SOX5: variants seen among roughly 807,000 people sequenced by gnomAD.
SOX5 encodes SRY-box transcription factor 5.
A neutral mutation model predicts 92.0 loss-of-function variants in SOX5; 9 were observed. The observed-to-expected ratio is 0.10, with a 90% CI of 0.06 to 0.17. The LOEUF (loss-of-function observed/expected upper bound fraction) is 0.17, where lower values mean the gene tolerates loss of function less well. Among genes scored for constraint, SOX5 ranks in the 10% least tolerant of loss-of-function variants. The pLI is 1.00. For synonymous variants in SOX5, 344 were observed against 336.3 expected (o/e 1.02, Z -0.25); for missense variants, 642 against 944.5 (o/e 0.68, Z 4.20).
At chr12:24,520,333 T>A (rs1950157933) in intron 1 of SOX5, among the ~76,000 whole-genome samples, 1 of 152,010 alleles carries the variant, frequency 6.6e-6, no homozygotes, top group African/African-American at 2.4e-5. Flanking sequence ...TAAAATTCGA[T>A]AAAAATTTGT....
chr12:23,750,268 G>A (rs1359103659), intron 4 of SOX5, among the ~76,000 whole-genome samples: 1 of 151,886 alleles, frequency 6.6e-6, no homozygotes, highest in Non-Finnish European at 1.5e-5. Flanking sequence ...ATTAAATAAT[G>A]TTGTCACAAT....
intron 1 of SOX5, among the ~76,000 whole-genome samples, chr12:24,447,633 G>C (rs1172706835): frequency 6.6e-6 from 1 of 152,102 alleles, no homozygotes; most frequent in Non-Finnish European, 1.5e-5. Flanking sequence ...AACATAATAT[G>C]TTAACAACAA....
At chr12:23,737,303 G>A (rs2093636506) in intron 5 of SOX5, among the ~76,000 whole-genome samples, 1 of 151,994 alleles carries the variant, frequency 6.6e-6, no homozygotes. Flanking sequence ...CACTTTCAGA[G>A]ACTGAGGTGG....
chr12:23,668,761 T>A (rs1482708005), intron 6 of SOX5, among the ~76,000 whole-genome samples: 1 of 152,136 alleles, frequency 6.6e-6, no homozygotes, highest in Non-Finnish European at 1.5e-5. Context: ...ATAATACACA[T>A]AAGAGGCTAC....
intron 6 of SOX5, among the ~76,000 whole-genome samples, chr12:23,717,546 T>C (rs1416448060): frequency 6.6e-6 from 1 of 152,154 alleles, no homozygotes; most frequent in Non-Finnish European, 1.5e-5. Context: ...TAAGAGCAGC[T>C]CAGGATCACA....
At position 23,861,916 on chromosome 12, in the gene SOX5, A is replaced by G. The variant is rs2096760846; in HGVS notation, c.271-15723T>C. Among the ~76,000 whole-genome samples, 3 of 152,204 alleles carry G rather than the reference A, an allele frequency of 2.0e-5. No individual in the cohort carries two copies. In the South Asian group the frequency reaches 6.2e-4, roughly 31 times the overall value. On this transcript the variant is annotated intron_variant, in intron 2 of 14. Transcript: ENST00000451604. ...GAACACCTACAGACCTTGAACATAG[A>G]CAGGGGGTAAACACAAAGACAGAAT...
At chr12:24,423,588 C>A (rs1190425534) in intron 1 of SOX5, among the ~76,000 whole-genome samples, 3 of 152,194 alleles carry the variant, frequency 2.0e-5, no homozygotes, top group Non-Finnish European at 4.4e-5. Flanking sequence ...ACAATATTCC[C>A]AGGAAATATA....
At chr12:23,845,672 GC>G (rs2096567248) in intron 3 of SOX5, among the ~76,000 whole-genome samples, 1 of 152,020 alleles carries the variant, frequency 6.6e-6, no homozygotes, top group Non-Finnish European at 1.5e-5. Flanking sequence ...AACAAACTAG[GC>G]TGCAGATATT....
chr12:24,167,077 A>G (rs1391005086), intron 4 of SOX5, among the ~76,000 whole-genome samples: 1 of 152,228 alleles, frequency 6.6e-6, no homozygotes, highest in African/African-American at 2.4e-5. Context: ...AGCTATCATT[A>G]ACATTATTTT....
intron 6 of SOX5, among the ~76,000 whole-genome samples, chr12:23,687,614 C>A (rs2087841357): frequency 6.6e-6 from 1 of 152,024 alleles, no homozygotes. Context: ...ATGAGTCATT[C>A]ATTCCCAGAA....
intron 2 of SOX5, among the ~76,000 whole-genome samples, chr12:24,343,950 G>A (rs1422461545): frequency 6.6e-6 from 1 of 152,128 alleles, no homozygotes; most frequent in African/African-American, 2.4e-5. Flanking sequence ...ACTTAAGAAT[G>A]TAGGGACTTG....
rs147825440 is a variant in SOX5, at chr12:24,182,534, T to C, written c.-2+30809A>G. 3.2e-3 allele frequency among the ~76,000 whole-genome samples: 490 copies of C among 151,944 alleles called. 10 individuals carry two copies. The highest frequency in any genetic ancestry group is 0.023 in the Admixed American group (353 of 15,260). On this transcript the variant is annotated intron_variant, in intron 4 of 4. Coordinates refer to the SOX5 transcript ENST00000446891. ...CAGATTAGGATTTTGTTGTTGTTGA[T>C]GGAACCAAAAAGAAAAATACATGCT...
At chr12:24,249,684 T>C (rs1417047637) in intron 3 of SOX5, among the ~76,000 whole-genome samples, 1 of 152,200 alleles carries the variant, frequency 6.6e-6, no homozygotes, top group African/African-American at 2.4e-5. Flanking sequence ...CAGGCCAACA[T>C]GCCATTGATC....
At chr12:24,424,401 T>A (rs1966391427) in intron 1 of SOX5, among the ~76,000 whole-genome samples, 1 of 152,202 alleles carries the variant, frequency 6.6e-6, no homozygotes, top group Non-Finnish European at 1.5e-5. Context: ...CAATATACCC[T>A]CATTCATCTT....
chr12:24,271,635 C>T (rs1338974836), intron 3 of SOX5, among the ~76,000 whole-genome samples: 2 of 152,158 alleles, frequency 1.3e-5, no homozygotes, highest in Non-Finnish European at 2.9e-5. Context: ...TTTCGGCCAA[C>T]TAAAATTGAT....
intron 4 of SOX5, among the ~76,000 whole-genome samples, chr12:23,977,233 G>A (rs1274253464): frequency 6.6e-6 from 1 of 152,152 alleles, no homozygotes; most frequent in African/African-American, 2.4e-5. Flanking sequence ...GTTTCAGAGA[G>A]GAGGTAGTAA....
rs777013504 is a variant in SOX5 at position 23,779,814 on chromosome 12, T to TATATATACACACACAC, written c.482-24091_482-24090insGTGTGTGTGTATATAT. Among the ~76,000 whole-genome samples, 356 of 110,720 alleles carry TATATATACACACACAC rather than the reference T, an allele frequency of 3.2e-3. 2 individuals carry two copies. Among genetic ancestry groups the TATATATACACACACAC allele is most frequent in the Middle Eastern group, 0.015 (3 of 204 alleles). 72.6% of individuals were successfully genotyped at this position (110,720 alleles called of 152,430 possible). A position where few individuals can be genotyped will look rare whatever the true frequency, so the allele number is the denominator to read the frequency against. ...ATATATATATATATATATATATATA[T>TATATATACACACACAC]ACACACACACACACACACACACACA... On this transcript the variant is annotated intron_variant, in intron 3 of 14. Coordinates refer to ENST00000451604, the MANE Select transcript of SOX5 (RefSeq NM_006940.6).
chr12:24,140,144 A>T (rs1950446021), intron 4 of SOX5, among the ~76,000 whole-genome samples: 1 of 152,226 alleles, frequency 6.6e-6, no homozygotes, highest in Admixed American at 6.5e-5. Context: ...AAACATAAAA[A>T]GTCCAAAGTA....
intron 2 of SOX5, among the ~76,000 whole-genome samples, chr12:24,318,337 G>A (rs1191024672): frequency 6.6e-6 from 1 of 152,202 alleles, no homozygotes; most frequent in Non-Finnish European, 1.5e-5. Context: ...AGTTGGGTAG[G>A]ATGCATGCCT....
Sources: gnomAD v4.1 joint callset for allele counts (sites outside exome capture counted in the v4.1 genomes callset) on GRCh38, gnomAD v4.1.1 for gene constraint, MANE v1.5 for transcripts, NCBI Gene and HGNC (gene_info 2026-07-23, HGNC 2026-07-21) for gene names.